Variants in ADCY2 observed in about 807,000 individuals in gnomAD.
ADCY2 encodes adenylate cyclase type 2.
Under a neutral mutation model 125.2 loss-of-function variants are expected in ADCY2, and 31 were observed. The observed-to-expected ratio is 0.25, with a 90% CI of 0.19 to 0.33. ADCY2 has a LOEUF of 0.33. Among genes scored for constraint, ADCY2 ranks in the 10% least tolerant of loss-of-function variants. ADCY2 has a pLI of 1.00. For missense variants in ADCY2, 904 were observed against 1,418.2 expected, an observed-to-expected ratio of 0.64 and a Z score of 5.82; for synonymous variants, 512 against 548.4, an observed-to-expected ratio of 0.93 and a Z score of 0.93.
intron 3 of ADCY2, among the ~76,000 whole-genome samples, chr5:7,534,632 C>G (rs940530363): frequency 1.3e-5 from 2 of 152,184 alleles, no homozygotes; most frequent in Non-Finnish European, 2.9e-5. Flanking sequence ...TGAGTCTCAG[C>G]GTTGTTTTAA....
intron 4 of ADCY2, among the ~76,000 whole-genome samples, chr5:7,666,712 G>T (rs780395912): frequency 7.4e-4 from 112 of 152,328 alleles, no homozygotes; most frequent in Non-Finnish European, 1.1e-3. Flanking sequence ...CCCACATGGG[G>T]CCTCAGTGCC....
intron 3 of ADCY2, among the ~76,000 whole-genome samples, chr5:7,545,199 G>A (rs1203827563): frequency 6.6e-6 from 1 of 152,168 alleles, no homozygotes; most frequent in Non-Finnish European, 1.5e-5. Flanking sequence ...AGTAGGAGGT[G>A]GATCTTGGGC....
At position 7,402,151 on chromosome 5, in the gene ADCY2, G is replaced by A. The variant is rs1035145107; in HGVS notation, c.210+5645G>A. 5.9e-5 allele frequency among the ~76,000 whole-genome samples: 9 copies of A among 152,280 alleles called. No individual in the cohort carries two copies. In the East Asian group the frequency reaches 1.7e-3, roughly 29 times the overall value. ...ATATCTAAGGACCACAAGAGCTGAG[G>A]GCATTCAACTCTGACCCTCTCCACT... On this transcript the variant is annotated intron_variant, in intron 1 of 24. Coordinates refer to ENST00000338316, the MANE Select transcript of ADCY2 (RefSeq NM_020546.3).
intron 16 of ADCY2, among the ~76,000 whole-genome samples, chr5:7,760,596 A>G (rs958932734): frequency 5.9e-5 from 9 of 152,208 alleles, no homozygotes; most frequent in African/African-American, 1.9e-4. Flanking sequence ...ATTTAATATC[A>G]TATACACACA....
chr5:7,817,087 C>T (rs1745136254), intron 23 of ADCY2, 107 bp downstream of exon 23: 1 of 782,212 alleles, frequency 1.3e-6, no homozygotes, highest in East Asian at 2.7e-5. Flanking sequence ...AGAACAATTA[C>T]AAATGCATCC....
intron 2 of ADCY2, among the ~76,000 whole-genome samples, chr5:7,432,066 C>T (rs1196202910): frequency 1.3e-5 from 2 of 152,018 alleles, no homozygotes; most frequent in Non-Finnish European, 2.9e-5. Flanking sequence ...CAGAGACTAC[C>T]ATTGAACGTT....
At chr5:7,399,897 A>G (rs1579403996) in intron 1 of ADCY2, among the ~76,000 whole-genome samples, 1 of 152,150 alleles carries the variant, frequency 6.6e-6, no homozygotes, top group Non-Finnish European at 1.5e-5. Flanking sequence ...TAAGTCATAA[A>G]TCTTATCATG....
intron 4 of ADCY2, among the ~76,000 whole-genome samples, chr5:7,682,838 T>C (rs995365972): frequency 2.0e-5 from 3 of 152,200 alleles, no homozygotes; most frequent in Non-Finnish European, 4.4e-5. Flanking sequence ...TTGGAGAATA[T>C]AGACAACAAT....
At chr5:7,570,755 T>A (rs1165645202) in intron 3 of ADCY2, among the ~76,000 whole-genome samples, 1 of 152,122 alleles carries the variant, frequency 6.6e-6, no homozygotes, top group East Asian at 1.9e-4. Flanking sequence ...TTCTTTCAAG[T>A]CACAATAAAT....
intron 3 of ADCY2, among the ~76,000 whole-genome samples, chr5:7,593,277 C>A (rs1172479750): frequency 6.6e-6 from 1 of 152,200 alleles, no homozygotes; most frequent in East Asian, 1.9e-4. Context: ...ACACAACCCA[C>A]GCACAAAAGT....
intron 3 of ADCY2, among the ~76,000 whole-genome samples, chr5:7,574,946 C>T (rs1207945573): frequency 1.3e-5 from 2 of 151,950 alleles, no homozygotes; most frequent in East Asian, 3.8e-4. Context: ...CAGTGAAGAC[C>T]AACAATATGA....
intron 2 of ADCY2, among the ~76,000 whole-genome samples, chr5:7,459,891 A>G (rs1484891038): frequency 7.3e-6 from 1 of 137,858 alleles, no homozygotes; most frequent in Non-Finnish European, 1.5e-5. Flanking sequence ...GGTTCACGCT[A>G]TTCTTCTGCC....
intron 2 of ADCY2, among the ~76,000 whole-genome samples, chr5:7,513,034 G>A (rs754848856): frequency 2.7e-5 from 4 of 148,768 alleles, no homozygotes; most frequent in Non-Finnish European, 4.5e-5. Context: ...CCAGAGCTGG[G>A]ATGTGATGGA....
At chr5:7,547,261 A>G (rs905422598) in intron 3 of ADCY2, among the ~76,000 whole-genome samples, 3 of 152,196 alleles carry the variant, frequency 2.0e-5, no homozygotes, top group African/African-American at 7.2e-5. Context: ...AGACTCAGGA[A>G]ATACTCTGTG....
chr5:7,413,955 T>C (rs936808808), intron 1 of ADCY2, among the ~76,000 whole-genome samples: 2 of 152,246 alleles, frequency 1.3e-5, no homozygotes, highest in African/African-American at 4.8e-5. Context: ...TTGCCATGTT[T>C]GTTATTTTAT....
chr5:7,804,729 C>T, intron 22 of ADCY2, 37 bp downstream of exon 22: 1 of 1,534,744 alleles, frequency 6.5e-7, no homozygotes, highest in Non-Finnish European at 9.0e-7. Flanking sequence ...ACAGGTGAGC[C>T]TCAACCCCAT....
intron 2 of ADCY2, among the ~76,000 whole-genome samples, chr5:7,452,993 A>ATACT (rs1246653410): frequency 6.6e-6 from 1 of 152,064 alleles, no homozygotes; most frequent in East Asian, 1.9e-4. Context: ...TAGATTCTGG[A>ATACT]TACTAGTCCT....
At chr5:7,610,343 G>A (rs1737535039) in intron 3 of ADCY2, among the ~76,000 whole-genome samples, 1 of 152,190 alleles carries the variant, frequency 6.6e-6, no homozygotes, top group South Asian at 2.1e-4. Context: ...TGCCAGGGCA[G>A]CTGAGGCAGG....
At chr5:7,463,269 C>G (rs896197974) in intron 2 of ADCY2, among the ~76,000 whole-genome samples, 2 of 152,178 alleles carry the variant, frequency 1.3e-5, no homozygotes, top group Admixed American at 6.5e-5. Context: ...TGTGTCTCTG[C>G]TAACACTGCC....
Sources: gnomAD v4.1 joint callset for allele counts (sites outside exome capture counted in the v4.1 genomes callset) on GRCh38, gnomAD v4.1.1 for gene constraint, MANE v1.5 for transcripts, NCBI Gene and HGNC (gene_info 2026-07-23, HGNC 2026-07-21) for gene names.